Variants in CDH13 observed in about 807,000 individuals in gnomAD.
CDH13 encodes cadherin 13, also known as cadherin-13.
A neutral mutation model predicts 63.8 loss-of-function variants in CDH13; 24 were observed. That is an observed-to-expected ratio of 0.38 (90% CI 0.27 to 0.53). The LOEUF (loss-of-function observed/expected upper bound fraction) is 0.53. Ranked by LOEUF, CDH13 falls within the 20% of genes least tolerant of loss-of-function variation. The pLI, the probability that CDH13 is intolerant of heterozygous loss-of-function variation, is 0.85. For missense variants in CDH13, 1,049 were observed against 903.1 expected, an observed-to-expected ratio of 1.16 and a Z score of -2.07; for synonymous variants, 503 against 355.3, an observed-to-expected ratio of 1.42 and a Z score of -4.67.
chr16:83,015,269 G>T (rs1393086722), intron 2 of CDH13, among the ~76,000 whole-genome samples: 1 of 151,742 alleles, frequency 6.6e-6, no homozygotes, highest in East Asian at 1.9e-4. Flanking sequence ...AATAATATGA[G>T]TTAAAGGATG....
chr16:83,211,479 C>T (rs1046458795), intron 4 of CDH13, among the ~76,000 whole-genome samples: 4 of 152,122 alleles, frequency 2.6e-5, no homozygotes, highest in African/African-American at 9.7e-5. Context: ...CCACTCAAAG[C>T]TGCTATATAG....
chr16:83,435,482 C>T (rs572997315), intron 6 of CDH13, among the ~76,000 whole-genome samples: 1 of 152,276 alleles, frequency 6.6e-6, no homozygotes, highest in Admixed American at 6.5e-5. Context: ...TCCAGCCCTG[C>T]TGCCTCTCTG....
rs138287915 is a variant in CDH13, at chr16:82,801,949, G to A, written c.46-56413G>A. Among the ~76,000 whole-genome samples the A allele has an allele frequency of 1.2e-3, 183 of 152,274 alleles. 1 individual carries two copies. The Middle Eastern group carries it at 0.017, about 14-fold the overall frequency. Reference sequence around the variant, plus strand: ...TGCAGGAAACTACAGTAAGGAGTGCGGATGTGAATAAGTGGAAGGCAATAC... The same window carrying A: ...TGCAGGAAACTACAGTAAGGAGTGCAGATGTGAATAAGTGGAAGGCAATAC... On this transcript the variant is annotated intron_variant, in intron 1 of 13. Transcript: ENST00000567109.
At chr16:83,155,821 A>C (rs1323086458) in intron 4 of CDH13, among the ~76,000 whole-genome samples, 1 of 152,220 alleles carries the variant, frequency 6.6e-6, no homozygotes, top group Non-Finnish European at 1.5e-5. Flanking sequence ...AGGTAAACAC[A>C]CAATGCCACA....
chr16:83,769,780 G>GAGAA (rs1203375458), intron 11 of CDH13, among the ~76,000 whole-genome samples: 1 of 152,150 alleles, frequency 6.6e-6, no homozygotes, highest in Non-Finnish European at 1.5e-5. Context: ...GAGATCACTG[G>GAGAA]GGCACGTAGA....
At chr16:83,043,246 A>G (rs892707155) in intron 3 of CDH13, among the ~76,000 whole-genome samples, 1 of 152,202 alleles carries the variant, frequency 6.6e-6, no homozygotes, top group African/African-American at 2.4e-5. Flanking sequence ...TAAGAAAACT[A>G]TATTCTGGAG....
chr16:82,908,025 A>G (rs1291653619), intron 2 of CDH13, among the ~76,000 whole-genome samples: 2 of 152,156 alleles, frequency 1.3e-5, no homozygotes, highest in South Asian at 4.1e-4. Context: ...CCTGATTTAC[A>G]ACAATAGGTT....
intron 8 of CDH13, among the ~76,000 whole-genome samples, chr16:83,648,466 C>G (rs1912050054): frequency 6.6e-6 from 1 of 152,088 alleles, no homozygotes; most frequent in African/African-American, 2.4e-5. Flanking sequence ...TGGGTGGTGT[C>G]CATGGTTCCT....
At chr16:83,483,817 C>A (rs2073827280) in intron 6 of CDH13, among the ~76,000 whole-genome samples, 1 of 152,190 alleles carries the variant, frequency 6.6e-6, no homozygotes, top group South Asian at 2.1e-4. Flanking sequence ...ATATGTGTCA[C>A]ATTTCACATC....
chr16:82,967,520 A>G (rs1214101933), intron 2 of CDH13, among the ~76,000 whole-genome samples: 1 of 152,198 alleles, frequency 6.6e-6, no homozygotes, highest in Non-Finnish European at 1.5e-5. Flanking sequence ...TGTTAGTGAA[A>G]TGCATTAAGT....
chr16:82,633,018 C>T (rs1168383205), intron 1 of CDH13, among the ~76,000 whole-genome samples: 5 of 152,122 alleles, frequency 3.3e-5, no homozygotes, highest in Non-Finnish European at 1.5e-5. Context: ...GAGGCAGAGC[C>T]CAGGCGGTAA....
chr16:82,975,653 C>A (rs1334087302), intron 2 of CDH13, among the ~76,000 whole-genome samples: 1 of 152,212 alleles, frequency 6.6e-6, no homozygotes, highest in Non-Finnish European at 1.5e-5. Context: ...CAGTTTCTTA[C>A]ATTCCTCAAC....
intron 8 of CDH13, among the ~76,000 whole-genome samples, chr16:83,651,849 C>G (rs1342775634): frequency 1.3e-5 from 2 of 152,158 alleles, no homozygotes; most frequent in East Asian, 3.9e-4. Context: ...CCTGCTTCAG[C>G]CTCCCAAAGT....
At chr16:82,880,727 G>A (rs2040673246) in intron 2 of CDH13, among the ~76,000 whole-genome samples, 1 of 151,980 alleles carries the variant, frequency 6.6e-6, no homozygotes, top group Admixed American at 6.6e-5. Flanking sequence ...TCAATATGCT[G>A]GTATATTTCA....
chr16:82,743,063 A>C (rs892935126), intron 1 of CDH13, among the ~76,000 whole-genome samples: 1 of 152,258 alleles, frequency 6.6e-6, no homozygotes, highest in African/African-American at 2.4e-5. Flanking sequence ...AGAATAGTAT[A>C]ATAAATCCCA....
intron 2 of CDH13, among the ~76,000 whole-genome samples, chr16:83,014,729 T>TAAA (rs36157010): frequency 3.6e-4 from 8 of 22,276 alleles, no homozygotes; most frequent in African/African-American, 5.1e-4. Context: ...AGACTCCATC[T>TAAA]AAAAAAAAAA....
intron 5 of CDH13, among the ~76,000 whole-genome samples, chr16:83,332,077 C>T (rs1395108588): frequency 1.3e-5 from 2 of 152,012 alleles, no homozygotes; most frequent in Admixed American, 1.3e-4. Context: ...ATAAGTCTGT[C>T]AAACACTATG....
At chr16:83,584,598 G>A (rs1421667295) in intron 7 of CDH13, among the ~76,000 whole-genome samples, 1 of 152,184 alleles carries the variant, frequency 6.6e-6, no homozygotes, top group Non-Finnish European at 1.5e-5. Context: ...CAGCATCTGT[G>A]AAGAAAGGCA....
At chr16:82,731,650 T>C (rs1273566049) in intron 1 of CDH13, among the ~76,000 whole-genome samples, 1 of 152,238 alleles carries the variant, frequency 6.6e-6, no homozygotes, top group Non-Finnish European at 1.5e-5. Flanking sequence ...GAACCACACT[T>C]GCTCATCAGT....
Sources: gnomAD v4.1 joint callset for allele counts (sites outside exome capture counted in the v4.1 genomes callset) on GRCh38, gnomAD v4.1.1 for gene constraint, MANE v1.5 for transcripts, NCBI Gene and HGNC (gene_info 2026-07-23, HGNC 2026-07-21) for gene names.